PTPRD: variants seen among roughly 807,000 people sequenced by gnomAD.
PTPRD encodes receptor-type tyrosine-protein phosphatase delta.
PTPRD carries 34 observed loss-of-function variants against 214.5 expected under a neutral mutation model. The ratio of observed to expected loss-of-function variants is 0.16; its 90% CI spans 0.12 to 0.21. The LOEUF (loss-of-function observed/expected upper bound fraction) is 0.21, where lower values mean the gene tolerates loss of function less well. Among genes scored for constraint, PTPRD ranks in the 10% least tolerant of loss-of-function variants. The pLI, the probability that PTPRD is intolerant of heterozygous loss-of-function variation, is 1.00. For missense variants in PTPRD, 2,545 were observed against 2,398.7 expected (o/e 1.06, Z -1.27); for synonymous variants, 1,128 against 845.7 (o/e 1.33, Z -5.79).
In PTPRD at chr9:8,499,711, C is replaced by T. The variant is rs2136817861; in HGVS notation, c.2258G>A (p.Arg753Lys). The change falls in exon 25 of 46, where the codon AGG (arginine) becomes AAG (lysine). Residue 753 changes from arginine to lysine, a missense_variant. By Grantham distance (26) the Arg-to-Lys change is conservative (BLOSUM62 2). Transcript: ENST00000381196. ...QIRGYQVHYV[R>K]MENGEPKGQP... ...GCCCTTGGGCTCACCATTTTCCATC[C>T]TCACATAATGCACCTGATATCCTCT... The T allele has an allele frequency of 6.2e-7, 1 of 1,614,134 alleles. No homozygotes were observed. Among genetic ancestry groups the T allele is most frequent in the Non-Finnish European group, 8.5e-7 (1 of 1,179,990 alleles).
chr9:8,607,922 G>C (rs140107450), intron 14 of PTPRD, among the ~76,000 whole-genome samples: 1 of 152,116 alleles, frequency 6.6e-6, no homozygotes, highest in Non-Finnish European at 1.5e-5. Context: ...TATTATTCTT[G>C]TGTCACATGT....
In PTPRD at chr9:9,015,668, T is replaced by C. The variant is rs1017387275; in HGVS notation, c.-104+3029A>G. On this transcript the variant is annotated intron_variant, in intron 11 of 45. Coordinates refer to ENST00000381196, the MANE Select transcript of PTPRD (RefSeq NM_002839.4). The stretch of plus-strand genomic sequence containing the variant: ...TCTTGCATGAGATGCAACAACCCTC[T>C]CTTGGGTGGGGTCTGGATTGGGACC... 3.3e-5 allele frequency among the ~76,000 whole-genome samples: 5 copies of C among 152,246 alleles called. No individual in the cohort carries two copies. In the East Asian group the frequency reaches 9.7e-4, roughly 29 times the overall value.
intron 40 of PTPRD, 72 bp downstream of exon 40, chr9:8,341,621 G>A (rs1852547859): frequency 1.9e-6 from 3 of 1,539,046 alleles, no homozygotes; most frequent in East Asian, 2.3e-5. Context: ...AAAGGTTAAA[G>A]TAAAGCCACG....
In PTPRD at chr9:8,865,789, G is replaced by T. The variant is rs115919642; in HGVS notation, c.-103-131843C>A. Among the ~76,000 whole-genome samples the T allele has an allele frequency of 5.6e-3, 856 of 152,214 alleles. 7 individuals are homozygous for T. Among genetic ancestry groups the T allele is most frequent in the African/African-American group, 0.02 (818 of 41,550 alleles). Reference sequence around the variant, plus strand: ...CCTCTTATTGAGACTGTGCTGAAAGGTACAACGACCTAGAGTTTGGTCAGA... The same window carrying T: ...CCTCTTATTGAGACTGTGCTGAAAGTTACAACGACCTAGAGTTTGGTCAGA... On this transcript the variant is annotated intron_variant, in intron 11 of 45. Transcript: ENST00000381196.
intron 3 of PTPRD, among the ~76,000 whole-genome samples, chr9:10,161,273 G>T (rs1396244299): frequency 6.6e-6 from 1 of 151,754 alleles, no homozygotes; most frequent in Non-Finnish European, 1.5e-5. Context: ...TAAACAAAAA[G>T]AACAAAGCAT....
chr9:9,066,103 C>T (rs1171038085), intron 10 of PTPRD, among the ~76,000 whole-genome samples: 1 of 151,146 alleles, frequency 6.6e-6, no homozygotes, highest in Non-Finnish European at 1.5e-5. Flanking sequence ...GTTGCAACTG[C>T]ATTCATGAAA....
At chr9:10,293,902 G>A (rs1177498724) in intron 3 of PTPRD, among the ~76,000 whole-genome samples, 3 of 151,774 alleles carry the variant, frequency 2.0e-5, no homozygotes, top group African/African-American at 4.8e-5. Context: ...AAATATTGTG[G>A]GCAAAATGTT....
At chr9:10,085,755 G>A (rs185158366) in intron 3 of PTPRD, among the ~76,000 whole-genome samples, 2 of 151,876 alleles carry the variant, frequency 1.3e-5, no homozygotes, top group Admixed American at 6.6e-5. Flanking sequence ...CTCCCCAGGT[G>A]AAACACAAGT....
intron 39 of PTPRD, among the ~76,000 whole-genome samples, chr9:8,369,966 T>C (rs1365900378): frequency 6.6e-6 from 1 of 152,070 alleles, no homozygotes; most frequent in African/African-American, 2.4e-5. Context: ...TTATAGAATA[T>C]GTGGTTTAGA....
At chr9:10,454,998 C>T (rs2098897115) in intron 2 of PTPRD, among the ~76,000 whole-genome samples, 1 of 151,680 alleles carries the variant, frequency 6.6e-6, no homozygotes, top group Non-Finnish European at 1.5e-5. Context: ...TCCAGAGATG[C>T]ATAGTGTATA....
intron 5 of PTPRD, among the ~76,000 whole-genome samples, chr9:9,899,973 G>A (rs1472156262): frequency 1.3e-5 from 2 of 152,016 alleles, no homozygotes; most frequent in African/African-American, 4.8e-5. Flanking sequence ...GAAAAAAGTA[G>A]AAGTAATAGA....
intron 11 of PTPRD, among the ~76,000 whole-genome samples, chr9:9,015,339 A>C (rs1212268051): frequency 6.6e-6 from 1 of 152,130 alleles, no homozygotes; most frequent in Non-Finnish European, 1.5e-5. Context: ...GGAGCTGGCC[A>C]AAACCCACCA....
Position 8,545,534 on chromosome 9 carries a change from C to T in PTPRD, c.353-16755G>A, listed in dbSNP as rs116549476. ...CGTATAACATTTCCTAGAACAGAGTCAACTATCACTGATTTCATCACAGTG... is the reference window on the plus strand; with the variant it reads ...CGTATAACATTTCCTAGAACAGAGTTAACTATCACTGATTTCATCACAGTG... On this transcript the variant is annotated intron_variant, in intron 14 of 45. Coordinates refer to ENST00000381196, the MANE Select transcript of PTPRD (RefSeq NM_002839.4). Among the ~76,000 whole-genome samples, 445 of 152,270 alleles carry T rather than the reference C, an allele frequency of 2.9e-3. 2 individuals are homozygous for T. Among genetic ancestry groups the T allele is most frequent in the African/African-American group, 9.8e-3 (406 of 41,556 alleles).
chr9:9,481,940 C>G (rs748982643), intron 8 of PTPRD, among the ~76,000 whole-genome samples: 25 of 152,174 alleles, frequency 1.6e-4, no homozygotes, highest in Non-Finnish European at 2.4e-4. Flanking sequence ...TTAATAAAAT[C>G]AAATCTGCTT....
intron 2 of PTPRD, among the ~76,000 whole-genome samples, chr9:10,366,454 G>T (rs2097519240): frequency 6.6e-6 from 1 of 152,124 alleles, no homozygotes; most frequent in Non-Finnish European, 1.5e-5. Context: ...TCCCAGGACA[G>T]CCAAAAACTG....
intron 5 of PTPRD, among the ~76,000 whole-genome samples, chr9:9,897,882 G>C (rs2075413585): frequency 1.3e-5 from 2 of 151,950 alleles, no homozygotes; most frequent in Non-Finnish European, 1.5e-5. Context: ...ATACATTTTA[G>C]GCTTCACAGG....
At chr9:8,928,047 G>A (rs191885819) in intron 11 of PTPRD, among the ~76,000 whole-genome samples, 46 of 152,090 alleles carry the variant, frequency 3.0e-4, no homozygotes, top group African/African-American at 1.0e-3. Flanking sequence ...ACTTTTTGAT[G>A]AGGTTGTCTT....
chr9:8,354,210 G>A (rs893062517), intron 39 of PTPRD, among the ~76,000 whole-genome samples: 1 of 150,744 alleles, frequency 6.6e-6, no homozygotes, highest in African/African-American at 2.5e-5. Flanking sequence ...CTTTTCTATT[G>A]TAATTATAAG....
intron 7 of PTPRD, among the ~76,000 whole-genome samples, chr9:9,632,780 A>G (rs1347970368): frequency 6.6e-6 from 1 of 152,166 alleles, no homozygotes; most frequent in Non-Finnish European, 1.5e-5. Context: ...AGGTATAAAT[A>G]TAGATAAAGA....
Sources: allele counts gnomAD v4.1 joint callset (sites outside exome capture counted in the v4.1 genomes callset), GRCh38; gene constraint gnomAD v4.1.1; transcripts MANE v1.5; gene names NCBI Gene and HGNC (gene_info 2026-07-23, HGNC 2026-07-21).